L3MBTL4: variants seen among roughly 807,000 people sequenced by gnomAD.
L3MBTL4 encodes lethal(3)malignant brain tumor-like protein 4.
Under a neutral mutation model 84.5 loss-of-function variants are expected in L3MBTL4, and 70 were observed. That is an observed-to-expected ratio of 0.83 (90% CI 0.68 to 1.01). L3MBTL4 has a LOEUF of 1.01. Among genes scored for constraint, L3MBTL4 ranks in the 50% least tolerant of loss-of-function variants. The pLI, the probability that L3MBTL4 is intolerant of heterozygous loss-of-function variation, is 0.00. For missense variants in L3MBTL4, 715 were observed against 754.8 expected (o/e 0.95, Z 0.62); for synonymous variants, 274 against 259.8 (o/e 1.05, Z -0.52).
chr18:6,353,762 C>T (rs1343222126), intron 1 of L3MBTL4, among the ~76,000 whole-genome samples: 1 of 151,826 alleles, frequency 6.6e-6, no homozygotes, highest in Non-Finnish European at 1.5e-5. Flanking sequence ...AATTATAAAA[C>T]ACTGATGAAA....
intron 1 of L3MBTL4, among the ~76,000 whole-genome samples, chr18:6,378,969 T>C (rs1254147338): frequency 6.8e-6 from 1 of 147,282 alleles, no homozygotes; most frequent in African/African-American, 2.6e-5. Flanking sequence ...TGCTTTTCCA[T>C]TTACTTGTGT....
intron 17 of L3MBTL4, among the ~76,000 whole-genome samples, chr18:5,966,111 T>C (rs569713394): frequency 1.4e-4 from 22 of 152,308 alleles, no homozygotes; most frequent in African/African-American, 4.3e-4. Context: ...TCTGTCCTAA[T>C]GACACTTTCA....
intron 10 of L3MBTL4, among the ~76,000 whole-genome samples, chr18:6,223,286 G>A (rs951680888): frequency 6.6e-6 from 1 of 152,078 alleles, no homozygotes; most frequent in Non-Finnish European, 1.5e-5. Flanking sequence ...ACTTTTAGCT[G>A]TGTTCCCTTC....
chr18:6,057,610 C>T (rs1006383507), intron 16 of L3MBTL4, among the ~76,000 whole-genome samples: 2 of 151,834 alleles, frequency 1.3e-5, no homozygotes, highest in Admixed American at 1.3e-4. Context: ...TCACTGAAAA[C>T]TTGGCAGTCA....
chr18:6,212,651 G>C (rs1327340997), intron 12 of L3MBTL4, among the ~76,000 whole-genome samples: 2 of 152,002 alleles, frequency 1.3e-5, no homozygotes, highest in Admixed American at 1.3e-4. Context: ...AATTGTTCTT[G>C]GTAAGCTGTT....
intron 13 of L3MBTL4, among the ~76,000 whole-genome samples, chr18:6,169,383 T>C (rs2043850172): frequency 6.6e-6 from 1 of 152,172 alleles, no homozygotes; most frequent in South Asian, 2.1e-4. Context: ...TGCACATGTA[T>C]GTTTATTGCG....
rs1422231565 is a variant in L3MBTL4, at chr18:5,955,150, T to C, written c.*1070A>G. The C allele has an allele frequency of 6.6e-6, 1 of 152,226 alleles. No homozygotes were observed. Among genetic ancestry groups the C allele is most frequent in the Non-Finnish European group, 1.5e-5 (1 of 68,036 alleles). The allele number at this position is 152,226 out of a possible 1,614,324, so 9.4% of individuals were successfully genotyped here. A position where few individuals can be genotyped will look rare whatever the true frequency, so the allele number is the denominator to read the frequency against. On this transcript the variant is annotated 3_prime_UTR_variant, in exon 19 of 19. Transcript: ENST00000317931. ...AAAAGAGGTACTTGTCTTTCAACAC[T>C]GTGGGACTGATTCCACACAACTTAA...
chr18:6,157,090 G>A (rs1045802009), intron 13 of L3MBTL4, among the ~76,000 whole-genome samples: 1 of 152,082 alleles, frequency 6.6e-6, no homozygotes, highest in Non-Finnish European at 1.5e-5. Flanking sequence ...TTTTTTTCTC[G>A]ATAAGTCTAT....
At chr18:6,155,046 C>G (rs1238749884) in intron 13 of L3MBTL4, among the ~76,000 whole-genome samples, 7 of 152,088 alleles carry the variant, frequency 4.6e-5, no homozygotes, top group Non-Finnish European at 8.8e-5. Flanking sequence ...TTTTATAATT[C>G]TTTGGAACAA....
chr18:6,351,096 T>G (rs1310666264), intron 1 of L3MBTL4, among the ~76,000 whole-genome samples: 1 of 152,068 alleles, frequency 6.6e-6, no homozygotes, highest in East Asian at 1.9e-4. Flanking sequence ...CTCAAGAGGC[T>G]GAGGCAGAAG....
At chr18:6,303,136 C>T (rs2601558) in intron 3 of L3MBTL4, among the ~76,000 whole-genome samples, 37,885 of 151,772 alleles carry the variant, frequency 0.25, 5,769 homozygotes, top group African/African-American at 0.43. Flanking sequence ...GTTTTTTTGT[C>T]TGTTTTTGAG....
chr18:6,200,051 A>C (rs2045585584), intron 12 of L3MBTL4, among the ~76,000 whole-genome samples: 3 of 152,186 alleles, frequency 2.0e-5, no homozygotes, highest in Admixed American at 1.3e-4. Flanking sequence ...GCTCAGTGAC[A>C]ACAAGGAGTG....
intron 4 of L3MBTL4, among the ~76,000 whole-genome samples, chr18:6,290,548 G>C (rs2049813946): frequency 6.7e-6 from 1 of 149,968 alleles, no homozygotes; most frequent in South Asian, 2.1e-4. Context: ...AATTTTTTGA[G>C]ACAGAGTCTC....
intron 4 of L3MBTL4, among the ~76,000 whole-genome samples, chr18:6,275,487 G>A (rs633942): frequency 1.2e-3 from 186 of 152,270 alleles, no homozygotes; most frequent in African/African-American, 4.2e-3. Context: ...GGTGACATCA[G>A]GGGCAAGTGG....
intron 5 of L3MBTL4, among the ~76,000 whole-genome samples, chr18:6,255,771 A>T (rs1353468979): frequency 3.3e-5 from 5 of 151,044 alleles, no homozygotes; most frequent in Middle Eastern, 6.9e-3. Context: ...CAAAATACAT[A>T]TAAAAGGCAA....
intron 4 of L3MBTL4, among the ~76,000 whole-genome samples, chr18:6,295,001 C>T (rs964837725): frequency 3.9e-5 from 6 of 152,064 alleles, no homozygotes; most frequent in Admixed American, 2.6e-4. Context: ...AGGCCAGGCA[C>T]GGTGGTTCAC....
At chr18:6,142,309 A>C (rs1343729965) in intron 13 of L3MBTL4, among the ~76,000 whole-genome samples, 1 of 152,192 alleles carries the variant, frequency 6.6e-6, no homozygotes, top group Non-Finnish European at 1.5e-5. Context: ...TCTTCCTTTG[A>C]GAGACACTCA....
chr18:6,376,036 T>G (rs1409848480), intron 1 of L3MBTL4, among the ~76,000 whole-genome samples: 1 of 152,148 alleles, frequency 6.6e-6, no homozygotes, highest in Non-Finnish European at 1.5e-5. Context: ...AACTCCAAAC[T>G]CGTCACTGAG....
chr18:6,058,835 T>C (rs2057111189), intron 16 of L3MBTL4, among the ~76,000 whole-genome samples: 1 of 152,142 alleles, frequency 6.6e-6, no homozygotes, highest in Admixed American at 6.5e-5. Flanking sequence ...GGGAATAAGG[T>C]GAAGTTATTA....
Sources: gnomAD v4.1 joint callset for allele counts (sites outside exome capture counted in the v4.1 genomes callset) on GRCh38, gnomAD v4.1.1 for gene constraint, MANE v1.5 for transcripts, NCBI Gene and HGNC (gene_info 2026-07-23, HGNC 2026-07-21) for gene names.